NAV2: variants seen among roughly 807,000 people sequenced by gnomAD.
NAV2 encodes the protein neuron navigator 2, also known as helicase, APC down-regulated 1.
A neutral mutation model predicts 223.2 loss-of-function variants in NAV2; 54 were observed. The observed-to-expected ratio is 0.24, with a 90% confidence interval of 0.19 to 0.30. The LOEUF (loss-of-function observed/expected upper bound fraction) is 0.30, where lower values mean the gene tolerates loss of function less well. Ranked by LOEUF, NAV2 falls within the 10% of genes least tolerant of loss-of-function variation. NAV2 has a pLI of 1.00. For synonymous variants in NAV2, 1,279 were observed against 1,239.3 expected (o/e 1.03, Z -0.67); for missense variants, 2,806 against 3,147.5 (o/e 0.89, Z 2.60).
chr11:20,064,574 T>G (rs912908592), intron 20 of NAV2, among the ~76,000 whole-genome samples: 2 of 152,076 alleles, frequency 1.3e-5, no homozygotes, highest in Admixed American at 1.3e-4. Flanking sequence ...CCTGTGTGTC[T>G]TCAGATCTAG....
intron 11 of NAV2, among the ~76,000 whole-genome samples, chr11:20,006,606 C>T (rs1419032150): frequency 2.6e-5 from 4 of 151,952 alleles, no homozygotes; most frequent in African/African-American, 4.8e-5. Flanking sequence ...ACCCGGGAGG[C>T]GGAGGTTGCA....
At chr11:20,023,207 G>T in intron 11 of NAV2, 1 of 1,259,064 alleles carries the variant, frequency 7.9e-7, no homozygotes, top group Admixed American at 2.3e-5. Flanking sequence ...TCCTTGGCCG[G>T]TATTGAAAAG....
intron 1 of NAV2, among the ~76,000 whole-genome samples, chr11:19,668,203 C>T (rs1321208435): frequency 1.3e-5 from 2 of 152,184 alleles, no homozygotes; most frequent in Admixed American, 6.5e-5. Flanking sequence ...ATAAGATTTG[C>T]ATTTCACATA....
chr11:19,781,169 G>T (rs187542726), intron 1 of NAV2, among the ~76,000 whole-genome samples: 1 of 152,334 alleles, frequency 6.6e-6, no homozygotes, highest in African/African-American at 2.4e-5. Context: ...TCCAGAGCTA[G>T]TAACTTTAGA....
rs937580243 is a variant in NAV2, at chr11:19,978,193, G to A, written c.2646-5932G>A. Among the ~76,000 whole-genome samples, 13 of 151,868 alleles carry A rather than the reference G, an allele frequency of 8.6e-5. 1 individual carries two copies. In the South Asian group the frequency reaches 1.5e-3, roughly 17 times the overall value. ...CTCGCTGGCCGGTGCATCCTCCTAC[G>A]ACCCGGAGTGAAGTTGATTCATCTG... On this transcript the variant is annotated intron_variant, in intron 10 of 37. Coordinates refer to ENST00000349880, the MANE Select transcript of NAV2 (RefSeq NM_145117.5).
At chr11:19,365,579 A>G (rs963008661) in intron 1 of NAV2, among the ~76,000 whole-genome samples, 1 of 152,230 alleles carries the variant, frequency 6.6e-6, no homozygotes, top group Admixed American at 6.5e-5. Context: ...AATATTCAGT[A>G]AGTGCTGACC....
At chr11:20,113,334 A>G (rs1349743028) in intron 36 of NAV2, among the ~76,000 whole-genome samples, 2 of 152,192 alleles carry the variant, frequency 1.3e-5, no homozygotes, top group Non-Finnish European at 2.9e-5. Context: ...AGAAAAATAT[A>G]AAGCCTATAC....
chr11:19,838,653 T>G (rs1173601346), intron 2 of NAV2, among the ~76,000 whole-genome samples: 1 of 152,234 alleles, frequency 6.6e-6, no homozygotes, highest in Non-Finnish European at 1.5e-5. Context: ...AGACAGGGTC[T>G]CACTCTGTCA....
intron 11 of NAV2, among the ~76,000 whole-genome samples, chr11:20,015,523 C>A (rs2053929380): frequency 6.6e-6 from 1 of 152,188 alleles, no homozygotes; most frequent in Non-Finnish European, 1.5e-5. Context: ...TATAATATGT[C>A]CTCACAGTTT....
At chr11:19,448,045 G>A (rs1851650505) in intron 1 of NAV2, among the ~76,000 whole-genome samples, 1 of 152,168 alleles carries the variant, frequency 6.6e-6, no homozygotes, top group South Asian at 2.1e-4. Flanking sequence ...TGCTGTCATG[G>A]CCCAGCCCTG....
At chr11:19,795,797 A>G (rs553575907) in intron 1 of NAV2, among the ~76,000 whole-genome samples, 2 of 152,354 alleles carry the variant, frequency 1.3e-5, no homozygotes, top group East Asian at 3.9e-4. Flanking sequence ...TTGTCCTTCC[A>G]GTTTGCCATG....
chr11:19,616,304 C>CTCTG (rs146490839), intron 1 of NAV2, among the ~76,000 whole-genome samples: 87 of 140,708 alleles, frequency 6.2e-4, no homozygotes, highest in African/African-American at 2.2e-3. Context: ...TTGCTTCTGA[C>CTCTG]TGTGTGTGTG....
chr11:19,724,937 A>G (rs1179790767), intron 1 of NAV2, among the ~76,000 whole-genome samples: 1 of 152,240 alleles, frequency 6.6e-6, no homozygotes, highest in Non-Finnish European at 1.5e-5. Flanking sequence ...CTTAAGAAAT[A>G]GTTGTTGAAC....
intron 1 of NAV2, among the ~76,000 whole-genome samples, chr11:19,574,023 T>C (rs1214253903): frequency 6.6e-6 from 1 of 152,218 alleles, no homozygotes; most frequent in Non-Finnish European, 1.5e-5. Flanking sequence ...GAGAGCTGGC[T>C]GCAAGGCAGG....
chr11:19,464,789 C>T (rs138431099), intron 1 of NAV2, among the ~76,000 whole-genome samples: 18 of 152,274 alleles, frequency 1.2e-4, no homozygotes, highest in African/African-American at 4.3e-4. Context: ...CCTGGCAGGC[C>T]CACACTTGAA....
intron 1 of NAV2, among the ~76,000 whole-genome samples, chr11:19,788,800 C>G (rs1300523816): frequency 2.0e-5 from 3 of 152,176 alleles, no homozygotes; most frequent in Admixed American, 6.5e-5. Context: ...GAATGCTCTT[C>G]TCTTCTTTTT....
At chr11:19,374,889 A>G (rs1331863104) in intron 1 of NAV2, among the ~76,000 whole-genome samples, 1 of 152,164 alleles carries the variant, frequency 6.6e-6, no homozygotes, top group Non-Finnish European at 1.5e-5. Context: ...TTCCCTATCA[A>G]GGCCTTGCCC....
At chr11:19,786,278 C>A (rs1486047824) in intron 1 of NAV2, among the ~76,000 whole-genome samples, 1 of 152,196 alleles carries the variant, frequency 6.6e-6, no homozygotes, top group Admixed American at 6.5e-5. Context: ...TCCGCTATTT[C>A]ATGCCACCAC....
At chr11:20,010,275 G>A (rs2053455293) in intron 11 of NAV2, among the ~76,000 whole-genome samples, 1 of 131,800 alleles carries the variant, frequency 7.6e-6, no homozygotes, top group Non-Finnish European at 1.7e-5. Flanking sequence ...AGAAGGACTG[G>A]GGGGAAAATG....
Sources: gnomAD v4.1 joint callset for allele counts (sites outside exome capture counted in the v4.1 genomes callset) on GRCh38, gnomAD v4.1.1 for gene constraint, MANE v1.5 for transcripts, NCBI Gene and HGNC (gene_info 2026-07-23, HGNC 2026-07-21) for gene names.